The following EFNA5 variants were observed in gnomAD, a reference collection of about 807,000 sequenced individuals.
EFNA5 encodes ephrin A5.
In EFNA5, 5 loss-of-function variants were observed where a neutral mutation model predicts 22.9. That is an observed-to-expected ratio of 0.22 (90% CI 0.11 to 0.46). EFNA5 has a LOEUF of 0.46. Ranked by LOEUF, EFNA5 falls within the 20% of genes least tolerant of loss-of-function variation. EFNA5 has a pLI of 0.99. For missense variants in EFNA5, 237 were observed against 293.3 expected, an observed-to-expected ratio of 0.81 and a Z score of 1.40; for synonymous variants, 113 against 112.2, an observed-to-expected ratio of 1.01 and a Z score of -0.04.
chr5:107,569,399 G>GTA lies in EFNA5; in HGVS notation c.125+101088_125+101089dup, dbSNP rs199626096. On this transcript the variant is annotated intron_variant, in intron 1 of 4. Transcript: ENST00000333274. ...TATATATATTTTTATGTATATGTGTGTATATATATATATATTTATGTATAT... is the reference window on the plus strand; with the variant it reads ...TATATATATTTTTATGTATATGTGTGTATATATATATATATATTTATGTATAT... Among the ~76,000 whole-genome samples the GTA allele has an allele frequency of 2.2e-3, 276 of 127,720 alleles. 1 individual carries two copies. Among genetic ancestry groups the GTA allele is most frequent in the Middle Eastern group, 4.3e-3 (1 of 232 alleles). 83.8% of individuals were successfully genotyped at this position (127,720 alleles called of 152,430 possible).
At chr5:107,637,217 G>T (rs1445892174) in intron 1 of EFNA5, among the ~76,000 whole-genome samples, 2 of 151,992 alleles carry the variant, frequency 1.3e-5, no homozygotes, top group African/African-American at 2.4e-5. Flanking sequence ...AATTATAAGA[G>T]AAATCAAAAG....
intron 1 of EFNA5, among the ~76,000 whole-genome samples, chr5:107,553,784 T>C (rs776933687): frequency 6.6e-6 from 1 of 152,194 alleles, no homozygotes; most frequent in Non-Finnish European, 1.5e-5. Context: ...ATGAAACATA[T>C]TGAATATTGA....
At chr5:107,599,030 T>C (rs187446286) in intron 1 of EFNA5, among the ~76,000 whole-genome samples, 94 of 152,298 alleles carry the variant, frequency 6.2e-4, no homozygotes, top group African/African-American at 2.2e-3. Flanking sequence ...AGGAAGTCAC[T>C]GTGGATATAT....
chr5:107,639,981 A>G (rs2112543235), intron 1 of EFNA5, among the ~76,000 whole-genome samples: 2 of 152,350 alleles, frequency 1.3e-5, no homozygotes, highest in Middle Eastern at 3.4e-3. Flanking sequence ...CTTATGAAAA[A>G]CTGAAAACAA....
In EFNA5 at chr5:107,387,272, A is replaced by T; in HGVS notation, c.528T>A (p.Asp176Glu). ...ATGAATTTTCTACTTTGTCGTTAAC[A>T]TCGAAAACACGATCATGAACACCTA... is the stretch of plus-strand genomic sequence containing the variant. ...KTIGVHDRVF[D>E]VNDKVENSLE... Residue 176 changes from aspartate to glutamate, a missense_variant, in exon 4 of 5, where the codon GAT becomes GAA. Physicochemically the swap from Asp to Glu is conservative, Grantham distance 45 (BLOSUM62 2). Transcript: ENST00000333274. 3.7e-6 allele frequency: 6 copies of T among 1,606,456 alleles called. No individual in the cohort carries two copies. Among genetic ancestry groups the T allele is most frequent in the Non-Finnish European group, 5.1e-6 (6 of 1,175,074 alleles).
chr5:107,489,998 G>A (rs1746757687), intron 1 of EFNA5, among the ~76,000 whole-genome samples: 1 of 152,152 alleles, frequency 6.6e-6, no homozygotes. Context: ...CCCAGGGTGG[G>A]TGGATCTCCA....
chr5:107,433,572 A>C (rs1178412886), intron 1 of EFNA5, among the ~76,000 whole-genome samples: 1 of 152,150 alleles, frequency 6.6e-6, no homozygotes, highest in Non-Finnish European at 1.5e-5. Flanking sequence ...TGCTGAATAA[A>C]TTTTAATTTT....
chr5:107,644,353 G>GA (rs534301307), intron 1 of EFNA5, among the ~76,000 whole-genome samples: 4 of 151,130 alleles, frequency 2.6e-5, no homozygotes, highest in East Asian at 1.9e-4. Flanking sequence ...AAAAAATGAG[G>GA]AAAAAAAAGA....
intron 1 of EFNA5, among the ~76,000 whole-genome samples, chr5:107,581,399 A>C (rs1749070948): frequency 6.6e-6 from 1 of 152,248 alleles, no homozygotes; most frequent in Non-Finnish European, 1.5e-5. Flanking sequence ...ACAAAGAGCA[A>C]CAGAGACACG....
chr5:107,540,892 G>A lies in EFNA5; in HGVS notation c.126-113383C>T, dbSNP rs1469099381. On this transcript the variant is annotated intron_variant, in intron 1 of 4. Transcript: ENST00000333274. ...AGCACTTTGGGAGGCAGAGGCGGGTGGATCAGGAGTTCGAGACCAGCCTGG... is the reference window on the plus strand; with the variant it reads ...AGCACTTTGGGAGGCAGAGGCGGGTAGATCAGGAGTTCGAGACCAGCCTGG... Among the ~76,000 whole-genome samples, 3 of 152,102 alleles carry A rather than the reference G, an allele frequency of 2.0e-5. No individual in the cohort carries two copies. In the East Asian group the frequency reaches 5.8e-4, roughly 29 times the overall value.
At chr5:107,653,055 G>A (rs1750764055) in intron 1 of EFNA5, among the ~76,000 whole-genome samples, 1 of 152,110 alleles carries the variant, frequency 6.6e-6, no homozygotes, top group Non-Finnish European at 1.5e-5. Flanking sequence ...ACAGCTGAAA[G>A]AGGGAAGGCT....
intron 1 of EFNA5, among the ~76,000 whole-genome samples, chr5:107,498,853 T>C (rs1214765973): frequency 1.3e-5 from 2 of 152,192 alleles, no homozygotes; most frequent in Non-Finnish European, 2.9e-5. Flanking sequence ...GTGATAAGGC[T>C]GCAGGGGATA....
In EFNA5 at chr5:107,453,098, A is replaced by C. The variant is rs190490659; in HGVS notation, c.126-25589T>G. Among the ~76,000 whole-genome samples the C allele has an allele frequency of 4.6e-5, 7 of 152,288 alleles. No homozygotes were observed. The East Asian group carries it at 1.4e-3, about 29-fold the overall frequency. ...AGACACTTTACTTCTCAATAACAAT[A>C]CACTATTTAACTGGATATTGAAATA... On this transcript the variant is annotated intron_variant, in intron 1 of 4. Coordinates refer to ENST00000333274, the MANE Select transcript of EFNA5 (RefSeq NM_001962.3).
intron 1 of EFNA5, among the ~76,000 whole-genome samples, chr5:107,541,291 A>G (rs1343424648): frequency 2.0e-5 from 3 of 152,222 alleles, no homozygotes; most frequent in Non-Finnish European, 4.4e-5. Flanking sequence ...TCATAAGTAT[A>G]CAGACAAAAT....
chr5:107,652,449 T>C (rs1250018617), intron 1 of EFNA5, among the ~76,000 whole-genome samples: 3 of 152,228 alleles, frequency 2.0e-5, no homozygotes, highest in Admixed American at 6.5e-5. Context: ...TGTGACACTA[T>C]TGTTCTAATA....
At chr5:107,445,282 CAA>C (rs1580456016) in intron 1 of EFNA5, among the ~76,000 whole-genome samples, 1 of 152,132 alleles carries the variant, frequency 6.6e-6, no homozygotes, top group East Asian at 1.9e-4. Context: ...CTGGGCCTCC[CAA>C]AGTGCTGGGA....
At chr5:107,604,125 G>T (rs772347959) in intron 1 of EFNA5, among the ~76,000 whole-genome samples, 6 of 152,070 alleles carry the variant, frequency 3.9e-5, no homozygotes, top group Non-Finnish European at 8.8e-5. Context: ...GATAATTATT[G>T]GACAGCTAAG....
At chr5:107,609,627 C>T (rs1417736561) in intron 1 of EFNA5, among the ~76,000 whole-genome samples, 2 of 152,194 alleles carry the variant, frequency 1.3e-5, no homozygotes, top group Non-Finnish European at 2.9e-5. Context: ...AAAGTCGCCT[C>T]ACCCTGCGTC....
chr5:107,376,961 A>G lies in EFNA5; in HGVS notation c.*4294T>C, dbSNP rs1390351714. ...TACGGACACGTGTATATACAAATAC[A>G]GATCGTATGGGTTTGTTTGTGTGTG... is the stretch of plus-strand genomic sequence containing the variant. On this transcript the variant is annotated 3_prime_UTR_variant, in exon 5 of 5. Transcript: ENST00000333274. 1.3e-5 allele frequency: 2 copies of G among 151,666 alleles called. No homozygotes were observed. Among genetic ancestry groups the G allele is most frequent in the African/African-American group, 4.8e-5 (2 of 41,262 alleles). The allele number at this position is 151,666 out of a possible 1,614,324, so 9.4% of individuals were successfully genotyped here.
Sources: gnomAD v4.1 joint callset for allele counts (sites outside exome capture counted in the v4.1 genomes callset) on GRCh38, gnomAD v4.1.1 for gene constraint, MANE v1.5 for transcripts, NCBI Gene and HGNC (gene_info 2026-07-23, HGNC 2026-07-21) for gene names.